CRPPA: variants seen among roughly 807,000 people sequenced by gnomAD.
The protein encoded by CRPPA is CDP-L-ribitol pyrophosphorylase A, also known as D-ribitol-5-phosphate cytidylyltransferase.
In CRPPA, 43 loss-of-function variants were observed where a neutral mutation model predicts 52.0. The observed-to-expected ratio is 0.83, with a 90% CI of 0.65 to 1.07. CRPPA has a LOEUF of 1.07. Among genes scored for constraint, CRPPA ranks in the 50% least tolerant of loss-of-function variants. The pLI, the probability that CRPPA is intolerant of heterozygous loss-of-function variation, is 0.00. For synonymous variants in CRPPA, 250 were observed against 203.5 expected (o/e 1.23, Z -1.94); for missense variants, 629 against 551.7 (o/e 1.14, Z -1.40).
At chr7:16,254,225 A>T (rs939725387) in intron 8 of CRPPA, among the ~76,000 whole-genome samples, 3 of 152,156 alleles carry the variant, frequency 2.0e-5, no homozygotes, top group African/African-American at 4.8e-5. Flanking sequence ...TAACCCAGAG[A>T]TCCCATTACT....
At chr7:16,140,232 C>CCACCT (rs1782842028) in intron 9 of CRPPA, among the ~76,000 whole-genome samples, 3 of 152,096 alleles carry the variant, frequency 2.0e-5, no homozygotes. Context: ...ACTACAATGT[C>CCACCT]CACCTCCGGG....
intron 1 of CRPPA, among the ~76,000 whole-genome samples, chr7:16,415,338 G>C (rs1788168219): frequency 6.6e-6 from 1 of 152,160 alleles, no homozygotes. Context: ...ACTTCCTTGA[G>C]TCATCTATCT....
intron 2 of CRPPA, among the ~76,000 whole-genome samples, chr7:16,391,286 C>A (rs772865525): frequency 6.6e-6 from 1 of 152,058 alleles, no homozygotes; most frequent in South Asian, 2.1e-4. Context: ...ATTTCTCCCC[C>A]ACTCTTATAA....
intron 2 of CRPPA, among the ~76,000 whole-genome samples, chr7:16,399,030 C>G (rs1173086299): frequency 6.6e-6 from 1 of 152,196 alleles, no homozygotes; most frequent in East Asian, 1.9e-4. Flanking sequence ...GTGACCAACA[C>G]GTTTAGGACA....
intron 3 of CRPPA, among the ~76,000 whole-genome samples, chr7:16,354,189 T>A (rs892111021): frequency 6.6e-6 from 1 of 152,204 alleles, no homozygotes; most frequent in African/African-American, 2.4e-5. Flanking sequence ...AAACAAATGA[T>A]GGCAAGAATG....
rs1782659863 is a variant in CRPPA, at chr7:16,226,678, T to G, written c.1120-10481A>C. ...TACCACATATAAAAGAAATACAACT[T>G]TTTGTTAATTTTCACATAGGCAGAT... On this transcript the variant is annotated intron_variant, in intron 8 of 9. Coordinates refer to ENST00000407010, the MANE Select transcript of CRPPA (RefSeq NM_001101426.4). Among the ~76,000 whole-genome samples the G allele has an allele frequency of 2.0e-5, 3 of 151,928 alleles. No individual in the cohort carries two copies. The South Asian group carries it at 6.2e-4, about 31-fold the overall frequency.
intron 3 of CRPPA, among the ~76,000 whole-genome samples, chr7:16,349,629 C>T (rs954900487): frequency 2.6e-5 from 4 of 151,502 alleles, no homozygotes; most frequent in East Asian, 3.9e-4. Flanking sequence ...TAACTGAAAA[C>T]GTCAATGGAA....
At chr7:16,383,205 C>G (rs541306613) in intron 2 of CRPPA, among the ~76,000 whole-genome samples, 51 of 152,288 alleles carry the variant, frequency 3.3e-4, no homozygotes, top group Admixed American at 2.8e-3. Flanking sequence ...AGTTTTCCTT[C>G]TAACAGACAG....
At chr7:16,117,895 C>T (rs1433930318) in intron 9 of CRPPA, among the ~76,000 whole-genome samples, 1 of 152,128 alleles carries the variant, frequency 6.6e-6, no homozygotes, top group Non-Finnish European at 1.5e-5. Context: ...AACTTACTTC[C>T]CCACCTTTGA....
At chr7:16,353,248 G>C (rs1786204246) in intron 3 of CRPPA, among the ~76,000 whole-genome samples, 1 of 152,036 alleles carries the variant, frequency 6.6e-6, no homozygotes, top group Non-Finnish European at 1.5e-5. Context: ...AGTTACTCAG[G>C]AGGCTGAGGT....
At chr7:16,101,833 C>T (rs894735438) in intron 9 of CRPPA, among the ~76,000 whole-genome samples, 1 of 152,102 alleles carries the variant, frequency 6.6e-6, no homozygotes, top group Admixed American at 6.5e-5. Flanking sequence ...AAAAACATTC[C>T]ATGCTCATGG....
chr7:16,125,305 C>G lies in CRPPA; in HGVS notation c.1252-33506G>C, dbSNP rs907943708. ...AACCAACAACAACTGCAAATAAACA[C>G]AAAGCAGAATTTTTGTTCCTTTAAA... On this transcript the variant is annotated intron_variant, in intron 9 of 9. Coordinates refer to ENST00000407010, the MANE Select transcript of CRPPA (RefSeq NM_001101426.4). Among the ~76,000 whole-genome samples the G allele has an allele frequency of 5.9e-5, 8 of 135,470 alleles. No homozygotes were observed. The East Asian group carries it at 1.7e-3, about 29-fold the overall frequency. 88.9% of individuals were successfully genotyped at this position (135,470 alleles called of 152,430 possible). A position where few individuals can be genotyped will look rare whatever the true frequency, so the allele number is the denominator to read the frequency against.
At position 16,133,889 on chromosome 7, in the gene CRPPA, T is replaced by A. The variant is rs544058812; in HGVS notation, c.1252-42090A>T. Among the ~76,000 whole-genome samples the A allele has an allele frequency of 8.8e-5, 11 of 124,796 alleles. 4 individuals are homozygous for A. Among genetic ancestry groups the A allele is most frequent in the Non-Finnish European group, 2.0e-4 (11 of 54,788 alleles). 81.9% of individuals were successfully genotyped at this position (124,796 alleles called of 152,430 possible). On this transcript the variant is annotated intron_variant, in intron 9 of 9. Transcript: ENST00000407010. ...ATATCAACAAATACAGTATTGTAAA[T>A]GTCCTTATGATTTTCTTAACATCTT... is the stretch of plus-strand genomic sequence containing the variant.
At chr7:16,135,817 T>C (rs549798951) in intron 9 of CRPPA, among the ~76,000 whole-genome samples, 4 of 152,278 alleles carry the variant, frequency 2.6e-5, no homozygotes, top group Admixed American at 6.5e-5. Flanking sequence ...CAGTTGTTAA[T>C]CTCCCATGAA....
rs148799544 is a variant in CRPPA, at chr7:16,361,677, G to C, written c.684+14415C>G. On this transcript the variant is annotated intron_variant, in intron 3 of 9. Coordinates refer to ENST00000407010, the MANE Select transcript of CRPPA (RefSeq NM_001101426.4). ...GTCAAAGTAAAATGGGGATTGCCAC[G>C]AGCTGGGAGGGAGGGGAAGAGGAGT... is the stretch of plus-strand genomic sequence containing the variant. Among the ~76,000 whole-genome samples the C allele has an allele frequency of 2.3e-3, 347 of 152,288 alleles. 1 individual carries two copies. The highest frequency in any genetic ancestry group is 7.7e-3 in the African/African-American group (322 of 41,580).
At chr7:16,284,610 C>T (rs977592035) in intron 5 of CRPPA, among the ~76,000 whole-genome samples, 1 of 152,090 alleles carries the variant, frequency 6.6e-6, no homozygotes. Context: ...TCAAATTTCA[C>T]CAAACGTGCC....
rs75231577 is a variant in CRPPA, at chr7:16,376,509, A to T, written c.535-268T>A. On this transcript the variant is annotated intron_variant, in intron 2 of 9. Transcript: ENST00000407010. ...CTGATCACAGGCCATTGAAGTCAAC[A>T]CTAAAAAAAAAGATGCTAAGATCCA... Among the ~76,000 whole-genome samples, 3,941 of 152,102 alleles carry T rather than the reference A, an allele frequency of 0.026. 69 individuals carry two copies. Among genetic ancestry groups the T allele is most frequent in the East Asian group, 0.13 (664 of 5,172 alleles).
At chr7:16,389,172 C>A (rs541338993) in intron 2 of CRPPA, among the ~76,000 whole-genome samples, 2 of 152,134 alleles carry the variant, frequency 1.3e-5, no homozygotes, top group South Asian at 4.2e-4. Context: ...ATGAACTATG[C>A]CAAAAATTTA....
chr7:16,130,803 T>C (rs1380809693), intron 9 of CRPPA, among the ~76,000 whole-genome samples: 2 of 152,172 alleles, frequency 1.3e-5, no homozygotes, highest in East Asian at 3.9e-4. Context: ...CCCCCAAAAT[T>C]CCTGTGTTGA....
Sources: allele counts gnomAD v4.1 joint callset (sites outside exome capture counted in the v4.1 genomes callset), GRCh38; gene constraint gnomAD v4.1.1; transcripts MANE v1.5; gene names NCBI Gene and HGNC (gene_info 2026-07-23, HGNC 2026-07-21).